AGL: variants seen among roughly 807,000 people sequenced by gnomAD.
The protein encoded by AGL is amylo-alpha-1,6-glucosidase and 4-alpha-glucanotransferase, also known as glycogen debranching enzyme.
In AGL, 128 loss-of-function variants were observed where a neutral mutation model predicts 199.3. The ratio of observed to expected loss-of-function variants is 0.64; its 90% CI spans 0.56 to 0.74. The LOEUF (loss-of-function observed/expected upper bound fraction) is 0.74, where lower values mean the gene tolerates loss of function less well. Among genes scored for constraint, AGL ranks in the 30% least tolerant of loss-of-function variants. The pLI is 0.00. For synonymous variants in AGL, 584 were observed against 594.7 expected, an observed-to-expected ratio of 0.98 and a Z score of 0.26; for missense variants, 1,809 against 1,820.8, an observed-to-expected ratio of 0.99 and a Z score of 0.12.
At chr1:99,903,538 A>T (rs186765533) in intron 27 of AGL, among the ~76,000 whole-genome samples, 9 of 152,098 alleles carry the variant, frequency 5.9e-5, no homozygotes, top group Admixed American at 4.6e-4. Flanking sequence ...TCTATCATTG[A>T]TGGACATTTG....
chr1:99,849,342 T>C (rs1186748939), upstream of AGL, among the ~76,000 whole-genome samples: 1 of 152,184 alleles, frequency 6.6e-6, no homozygotes, highest in Non-Finnish European at 1.5e-5. Flanking sequence ...AAGTCTTAGT[T>C]AACCAAATCT....
intron 2 of AGL, among the ~76,000 whole-genome samples, chr1:99,859,582 C>G (rs1649871149): frequency 6.6e-6 from 1 of 151,762 alleles, no homozygotes. Flanking sequence ...GAGTCTTGCT[C>G]TGTCACCCAT....
intron 7 of AGL, 88 bp from the exon 8 acceptor site, chr1:99,874,599 A>C (rs535677370): frequency 1.5e-5 from 19 of 1,303,092 alleles, no homozygotes; most frequent in Admixed American, 6.1e-5. Context: ...TCAGTGAAAA[A>C]ATTATAGGCC....
rs139078278 is a variant in AGL at position 99,886,623 on chromosome 1, A to G, written c.2682-1355A>G. On this transcript the variant is annotated intron_variant, in intron 20 of 33. Coordinates refer to ENST00000361915, the MANE Select transcript of AGL (RefSeq NM_000642.3). ...GTTAGCTGTTACTAATCAAACTGGTAAATATAAAATAGTTAAAAATAACAT... is the reference window on the plus strand; with the variant it reads ...GTTAGCTGTTACTAATCAAACTGGTGAATATAAAATAGTTAAAAATAACAT... 4.3e-3 allele frequency among the ~76,000 whole-genome samples: 652 copies of G among 152,356 alleles called. 1 individual carries two copies. The highest frequency in any genetic ancestry group is 0.015 in the African/African-American group (615 of 41,586).
chr1:99,876,454 A>G lies in AGL; in HGVS notation c.1284-4A>G, dbSNP rs372612377. 107 of 1,568,282 alleles carry G rather than the reference A, an allele frequency of 6.8e-5. 1 individual carries two copies. In the East Asian group the frequency reaches 1.2e-3, roughly 17 times the overall value. On this transcript the variant is annotated splice_polypyrimidine_tract_variant and splice_region_variant and intron_variant, in intron 10 of 33. Transcript: ENST00000361915. ...GGATTTAATATTTAATTATATTTTC[A>G]TAGGTATTTTACTTTCCCATTTGAA...
chr1:99,891,856 GC>G (rs2100790575), intron 23 of AGL, 117 bp downstream of exon 23: 1 of 1,185,232 alleles, frequency 8.4e-7, no homozygotes, highest in East Asian at 2.3e-5. Context: ...AACTGAAAAG[GC>G]TTGTAGGTGG....
chr1:99,914,978 G>A (rs544150925), intron 30 of AGL, among the ~76,000 whole-genome samples: 1 of 152,254 alleles, frequency 6.6e-6, no homozygotes, highest in East Asian at 1.9e-4. Flanking sequence ...TGCTCAAGAG[G>A]CTAAGGCAGG....
At position 99,884,702 on chromosome 1, in the gene AGL, T is replaced by C. The variant is rs200856850; in HGVS notation, c.2680T>C (p.Ser894Pro). 7.4e-6 allele frequency: 12 copies of C among 1,613,816 alleles called. No individual in the cohort carries two copies. Among genetic ancestry groups the C allele is most frequent in the Non-Finnish European group, 1.0e-5 (12 of 1,179,906 alleles). Reference protein sequence around the residue: ...ADPILKIPFASLASRLTLAEL... With the variant: ...ADPILKIPFAPLASRLTLAEL... ...TCCTATATTAAAAATTCCTTTTGCT[T>C]CGTAAGTATGCCTTGTTTGGTAGAG... The change falls in exon 20 of 34, where the codon TCT becomes CCT. Residue 894 changes from serine (S) to proline (P), a missense_variant and splice_region_variant. By Grantham distance (74) the Ser-to-Pro change is moderately conservative. Coordinates refer to ENST00000361915, the MANE Select transcript of AGL (RefSeq NM_000642.3).
rs769998788 is a variant in AGL at position 99,870,807 on chromosome 1, G to C, written c.896G>C (p.Trp299Ser). 6.2e-7 allele frequency: 1 copy of C among 1,611,902 alleles called. No homozygotes were observed. Among genetic ancestry groups the C allele is most frequent in the Non-Finnish European group, 8.5e-7 (1 of 1,178,326 alleles). Residue 299 changes from tryptophan to serine, a missense_variant, in exon 7 of 34, where the codon TGG (tryptophan) becomes TCG (serine). Physicochemically the swap from Trp to Ser is radical, Grantham distance 177. Transcript: ENST00000361915. ...GATATTTTTCCAAAGCTTAAACTCT[G>C]GGAATTTTTCCAAGTAGATGTCAAC... The part of the protein sequence containing the change: ...WEDIFPKLKL[W>S]EFFQVDVNKA...
intron 33 of AGL, among the ~76,000 whole-genome samples, chr1:99,920,837 A>T (rs1655467691): frequency 6.6e-6 from 1 of 152,142 alleles, no homozygotes; most frequent in Non-Finnish European, 1.5e-5. Flanking sequence ...TTTTTAAGGG[A>T]TTACATTGAA....
Position 99,923,447 on chromosome 1 carries a change from A to G in AGL, c.*1796A>G, listed in dbSNP as rs1180517844. 3 of 152,178 alleles carry G rather than the reference A, an allele frequency of 2.0e-5. No homozygotes were observed. The highest frequency in any genetic ancestry group is 4.4e-5 in the Non-Finnish European group (3 of 68,014). 9.4% of individuals were successfully genotyped at this position (152,178 alleles called of 1,614,324 possible). A position where few individuals can be genotyped will look rare whatever the true frequency, so the allele number is the denominator to read the frequency against. On this transcript the variant is annotated 3_prime_UTR_variant, in exon 34 of 34. Coordinates refer to ENST00000361915, the MANE Select transcript of AGL (RefSeq NM_000642.3). ...CAGTTAAATGTGACCAAAAAAATTAAAAGTTCACAATTTTTTTAATGTAGC... is the reference window on the plus strand; with the variant it reads ...CAGTTAAATGTGACCAAAAAAATTAGAAGTTCACAATTTTTTTAATGTAGC...
intron 27 of AGL, among the ~76,000 whole-genome samples, 190 bp downstream of exon 27, chr1:99,902,984 A>G (rs1653964722): frequency 6.6e-6 from 1 of 152,214 alleles, no homozygotes; most frequent in South Asian, 2.1e-4. Flanking sequence ...TTTGTCAGCC[A>G]GTTTGAAAGA....
chr1:99,865,969 A>G (rs1650471934), intron 5 of AGL, among the ~76,000 whole-genome samples: 1 of 152,204 alleles, frequency 6.6e-6, no homozygotes, highest in Non-Finnish European at 1.5e-5. Flanking sequence ...TCTTCATTTG[A>G]AAATTTGACA....
chr1:99,900,895 T>G (rs757369213), intron 26 of AGL, 34 bp downstream of exon 26: 64 of 1,520,598 alleles, frequency 4.2e-5, no homozygotes, highest in South Asian at 2.4e-4. Flanking sequence ...TTTTTGTTTT[T>G]TTTTTTTTTT....
At chr1:99,893,567 C>G (rs1055085825) in intron 24 of AGL, among the ~76,000 whole-genome samples, 1 of 152,088 alleles carries the variant, frequency 6.6e-6, no homozygotes, top group African/African-American at 2.4e-5. Flanking sequence ...TTTTAGAACC[C>G]ATTACAAAAA....
In AGL at chr1:99,902,781, C is replaced by G; in HGVS notation, c.3687C>G (p.Asn1229Lys). Residue 1229 changes from asparagine (N) to lysine (K), a missense_variant, in exon 27 of 34, where the codon AAC becomes AAG. Transcript: ENST00000361915. ...ERNAGPQIDR[N>K]MKDEGFNITA... ...ATGCTGGTCCCCAGATAGATCGAAA[C>G]ATGAAGGACGAAGGTACAGAACTTT... 2 of 1,612,270 alleles carry G rather than the reference C, an allele frequency of 1.2e-6. No homozygotes were observed. Among genetic ancestry groups the G allele is most frequent in the Non-Finnish European group, 1.7e-6 (2 of 1,178,582 alleles).
chr1:99,857,835 A>AGGGGGTG (rs1270994996), intron 2 of AGL, among the ~76,000 whole-genome samples: 1 of 3,670 alleles, frequency 2.7e-4, no homozygotes, highest in Admixed American at 3.2e-3. Context: ...GACCGTGGGG[A>AGGGGGTG]GGGGGAGGGG....
intron 21 of AGL, among the ~76,000 whole-genome samples, chr1:99,889,024 A>C (rs1459998206): frequency 6.6e-6 from 1 of 152,176 alleles, no homozygotes; most frequent in East Asian, 1.9e-4. Context: ...CAGGCTTTAA[A>C]ACCAGATTTC....
chr1:99,909,122 C>T (rs1014358337), intron 27 of AGL, among the ~76,000 whole-genome samples: 1 of 152,056 alleles, frequency 6.6e-6, no homozygotes, highest in Non-Finnish European at 1.5e-5. Context: ...TCCGGACTCT[C>T]CACTCAGTCT....
Sources: allele counts gnomAD v4.1 joint callset (sites outside exome capture counted in the v4.1 genomes callset), GRCh38; gene constraint gnomAD v4.1.1; transcripts MANE v1.5; gene names NCBI Gene and HGNC (gene_info 2026-07-23, HGNC 2026-07-21).